GALNT15: variants seen among roughly 807,000 people sequenced by gnomAD.
GALNT15 encodes the protein polypeptide N-acetylgalactosaminyltransferase 15, also known as UDP-GalNAc transferase T15.
GALNT15 carries 67 observed loss-of-function variants against 66.8 expected under a neutral mutation model. That is an observed-to-expected ratio of 1.00 (90% CI 0.82 to 1.23). The LOEUF (loss-of-function observed/expected upper bound fraction) is 1.23, where lower values mean the gene tolerates loss of function less well. Among genes scored for constraint, GALNT15 ranks in the 50% most tolerant of loss-of-function variants. The pLI, the probability that GALNT15 is intolerant of heterozygous loss-of-function variation, is 0.00. For missense variants in GALNT15, 827 were observed against 804.3 expected, an observed-to-expected ratio of 1.03 and a Z score of -0.34; for synonymous variants, 313 against 311.5, an observed-to-expected ratio of 1.00 and a Z score of -0.05.
Position 16,186,484 on chromosome 3 carries a change from A to T in GALNT15, c.540-9276A>T, listed in dbSNP as rs2063517483. On this transcript the variant is annotated intron_variant, in intron 1 of 9. Transcript: ENST00000339732. This position sits in a 1 kb window ranked among gnomAD's most constrained non-coding sequence, Gnocchi z 5.1. ...AACATGTTCACATGAAAACTTATAC[A>T]TGAATATTCATAGTGGCATTAGTCA... Among the ~76,000 whole-genome samples the T allele has an allele frequency of 6.6e-6, 1 of 152,254 alleles. No individual in the cohort carries two copies. Among genetic ancestry groups the T allele is most frequent in the Non-Finnish European group, 1.5e-5 (1 of 68,044 alleles).
At position 16,224,740 on chromosome 3, in the gene GALNT15, G is replaced by A. The variant is rs1469076761; in HGVS notation, c.1773+1982G>A. Among the ~76,000 whole-genome samples the A allele has an allele frequency of 6.6e-6, 1 of 150,978 alleles. No individual in the cohort carries two copies. ...CAACCTCTGCCTCCCGGGTTCAAGC[G>A]ATTCTCCTGCCTCAGCCTCTTTAGT... is the stretch of plus-strand genomic sequence containing the variant. On this transcript the variant is annotated intron_variant, in intron 9 of 9. Coordinates refer to ENST00000339732, the MANE Select transcript of GALNT15 (RefSeq NM_054110.5). This position sits in a 1 kb window ranked among gnomAD's most constrained non-coding sequence, Gnocchi z 5.2.
intron 3 of GALNT15, among the ~76,000 whole-genome samples, chr3:16,207,501 TAAAAAAAAAAA>T (rs36127239): frequency 0.046 from 1,840 of 39,802 alleles, 188 homozygotes; most frequent in Middle Eastern, 0.095. Flanking sequence ...CTCCAGGCTG[TAAAAAAAAAAA>T]AAAAAAAAAA....
intron 6 of GALNT15, among the ~76,000 whole-genome samples, chr3:16,216,360 G>A (rs1421874041): frequency 1.3e-5 from 2 of 152,092 alleles, no homozygotes; most frequent in Admixed American, 6.5e-5. Flanking sequence ...TTAGCTGGGC[G>A]TGGTGGTGTG....
chr3:16,240,352 C>A, the GALNT15 span, among the ~76,000 whole-genome samples: 2 of 152,198 alleles, frequency 1.3e-5, no homozygotes, highest in African/African-American at 4.8e-5. Context: ...GTTTTCTGAA[C>A]CACTGGCGTG....
intron 1 of GALNT15, among the ~76,000 whole-genome samples, chr3:16,194,706 T>C (rs1195244566): frequency 4.6e-5 from 7 of 152,144 alleles, no homozygotes; most frequent in African/African-American, 1.7e-4. Context: ...TGGAAAACAT[T>C]ATCCTCAGCA....
rs1325256978 is a variant in GALNT15, at chr3:16,204,227, A to G, written c.911+3404A>G. 6.6e-6 allele frequency among the ~76,000 whole-genome samples: 1 copy of G among 152,108 alleles called. No homozygotes were observed. Among genetic ancestry groups the G allele is most frequent in the Non-Finnish European group, 1.5e-5 (1 of 68,018 alleles). Reference sequence around the variant, plus strand: ...TTCCCACTAGCCATGTGGCAACTTTATTTGAATTGGTAGAAATCCCTTCCT... The same window carrying G: ...TTCCCACTAGCCATGTGGCAACTTTGTTTGAATTGGTAGAAATCCCTTCCT... On this transcript the variant is annotated intron_variant, in intron 3 of 9. Coordinates refer to ENST00000339732, the MANE Select transcript of GALNT15 (RefSeq NM_054110.5). The surrounding 1 kb of genome is among the most constrained non-coding windows in gnomAD (Gnocchi z 4.5).
In GALNT15 at chr3:16,212,697, G is replaced by A; in HGVS notation, c.1326G>A (p.Glu442=). 1 of 1,614,030 alleles carries A rather than the reference G, an allele frequency of 6.2e-7. No individual in the cohort carries two copies. The highest frequency in any genetic ancestry group is 8.5e-7 in the Non-Finnish European group (1 of 1,180,028). Residue 442 remains glutamate, a synonymous_variant, in exon 6 of 10, where the codon GAG becomes GAA. Transcript: ENST00000339732. ...TGAGGAACAGGGTTCGCATTGCTGA[G>A]ACCTGGCTGGGGTCATTCAAAGAAA... ...ATLRNRVRIA[E]TWLGSFKETF...
chr3:16,193,916 T>C lies in GALNT15; in HGVS notation c.540-1844T>C, dbSNP rs1475630199. ...CAAGTGTGAGCTATATACTGCTCCA[T>C]GTATCAGGTTGTTATAATTCACTCC... On this transcript the variant is annotated intron_variant, in intron 1 of 9. Transcript: ENST00000339732. This position sits in a 1 kb window ranked among gnomAD's most constrained non-coding sequence, Gnocchi z 4.7. Among the ~76,000 whole-genome samples, 3 of 152,216 alleles carry C rather than the reference T, an allele frequency of 2.0e-5. No homozygotes were observed. Among genetic ancestry groups the C allele is most frequent in the Non-Finnish European group, 4.4e-5 (3 of 68,048 alleles).
rs561755349 is a variant in GALNT15 at position 16,188,825 on chromosome 3, T to C, written c.540-6935T>C. ...AAGAGTGGATAGATTGCAAAGCAGA[T>C]GACAGGTCCTTAGCACCATTTCCCT... On this transcript the variant is annotated intron_variant, in intron 1 of 9. Transcript: ENST00000339732. This position sits in a 1 kb window ranked among gnomAD's most constrained non-coding sequence, Gnocchi z 4.6. 2.6e-5 allele frequency among the ~76,000 whole-genome samples: 4 copies of C among 152,240 alleles called. No homozygotes were observed. The highest frequency in any genetic ancestry group is 9.6e-5 in the African/African-American group (4 of 41,538).
chr3:16,236,690 G>T (rs9837613), downstream of GALNT15, among the ~76,000 whole-genome samples: 21,451 of 152,234 alleles, frequency 0.14, 2,104 homozygotes, highest in African/African-American at 0.28. Flanking sequence ...TATAGCATAT[G>T]TTCTCATTAT....
At position 16,188,236 on chromosome 3, in the gene GALNT15, G is replaced by A. The variant is rs11916637; in HGVS notation, c.540-7524G>A. ...AGGCAAAGTGTTGCCTGTGGGTGAA[G>A]GAAGAGGAATCTTCCCCAGTGGTGG... On this transcript the variant is annotated intron_variant, in intron 1 of 9. Coordinates refer to ENST00000339732, the MANE Select transcript of GALNT15 (RefSeq NM_054110.5). The surrounding 1 kb of genome is among the most constrained non-coding windows in gnomAD (Gnocchi z 4.6). 0.019 allele frequency among the ~76,000 whole-genome samples: 2,938 copies of A among 152,354 alleles called. 118 individuals carry two copies. The highest frequency in any genetic ancestry group is 0.066 in the African/African-American group (2,747 of 41,580).
In GALNT15 at chr3:16,200,705, A is replaced by T; in HGVS notation, c.793A>T (p.Arg265Trp). 3 of 1,610,782 alleles carry T rather than the reference A, an allele frequency of 1.9e-6. No homozygotes were observed. The highest frequency in any genetic ancestry group is 1.7e-4 in the Middle Eastern group (1 of 6,046). ...LRSNKRLGAI[R>W]ARMLGATRAT... ...GAGCAACAAGAGGCTGGGTGCCATC[A>T]GGGCCCGGATGCTGGGGGCCACCAG... The change falls in exon 3 of 10, where the codon AGG becomes TGG. Residue 265 changes from arginine (R) to tryptophan (W), a missense_variant. By Grantham distance (101) the Arg-to-Trp change is moderately radical. Transcript: ENST00000339732. This position sits in a 1 kb window ranked among gnomAD's most constrained non-coding sequence, Gnocchi z 4.4.
chr3:16,180,080 G>A lies in GALNT15; in HGVS notation c.539+4390G>A, dbSNP rs1344576736. 6.6e-6 allele frequency among the ~76,000 whole-genome samples: 1 copy of A among 152,206 alleles called. No individual in the cohort carries two copies. The highest frequency in any genetic ancestry group is 1.5e-5 in the Non-Finnish European group (1 of 68,036). ...GTAATCTACATCTACGGCTGAACTT[G>A]AGCGTGCATCCGAACAACTAGATGG... On this transcript the variant is annotated intron_variant, in intron 1 of 9. Coordinates refer to ENST00000339732, the MANE Select transcript of GALNT15 (RefSeq NM_054110.5). The surrounding 1 kb of genome is among the most constrained non-coding windows in gnomAD (Gnocchi z 5.0).
Position 16,200,604 on chromosome 3 carries a change from C to G in GALNT15, c.707-15C>G. 6.6e-7 allele frequency: 1 copy of G among 1,509,760 alleles called. No homozygotes were observed. The highest frequency in any genetic ancestry group is 8.9e-7 in the Non-Finnish European group (1 of 1,126,728). 93.5% of individuals were successfully genotyped at this position (1,509,760 alleles called of 1,614,324 possible). A position where few individuals can be genotyped will look rare whatever the true frequency, so the allele number is the denominator to read the frequency against. ...GCATTTGTCATTCCACTGACCACAACCCTGTTGATTCCAGGACAACTCAAG... is the reference window on the plus strand; with the variant it reads ...GCATTTGTCATTCCACTGACCACAAGCCTGTTGATTCCAGGACAACTCAAG... On this transcript the variant is annotated splice_polypyrimidine_tract_variant and intron_variant, in intron 2 of 9. Coordinates refer to ENST00000339732, the MANE Select transcript of GALNT15 (RefSeq NM_054110.5). The surrounding 1 kb of genome is among the most constrained non-coding windows in gnomAD (Gnocchi z 4.4).
the GALNT15 span, among the ~76,000 whole-genome samples, chr3:16,245,385 T>C: frequency 1.3e-5 from 2 of 152,216 alleles, no homozygotes; most frequent in African/African-American, 2.4e-5. Context: ...ACAGGCTTTC[T>C]AGACTAACAT....
chr3:16,200,903 C>T lies in GALNT15; in HGVS notation c.911+80C>T. 9.3e-7 allele frequency: 1 copy of T among 1,072,518 alleles called. No individual in the cohort carries two copies. The highest frequency in any genetic ancestry group is 1.6e-5 in the African/African-American group (1 of 62,204). 66.4% of individuals were successfully genotyped at this position (1,072,518 alleles called of 1,614,324 possible). On this transcript the variant is annotated intron_variant, in intron 3 of 9. Coordinates refer to ENST00000339732, the MANE Select transcript of GALNT15 (RefSeq NM_054110.5). The surrounding 1 kb of genome is among the most constrained non-coding windows in gnomAD (Gnocchi z 4.4). ...ACAGCATCAGCCACTCACAGAGCAA[C>T]CCACCTATTAATTCCTGAATCTCCA...
At chr3:16,220,195 CTGTAAGCACAGACA>C in intron 8 of GALNT15, 181 bp downstream of exon 8, 1 of 608,328 alleles carries the variant, frequency 1.6e-6, no homozygotes, top group Non-Finnish European at 3.0e-6. Flanking sequence ...TCACCTCCAT[CTGTAAGCACAGACA>C]TGTGCCATTG....
chr3:16,226,525 C>T (rs914824818), intron 9 of GALNT15, among the ~76,000 whole-genome samples: 4 of 152,108 alleles, frequency 2.6e-5, no homozygotes, highest in South Asian at 2.1e-4. Flanking sequence ...CCTTACATGG[C>T]GGAGCAAGGG....
At position 16,204,052 on chromosome 3, in the gene GALNT15, T is replaced by TA. The variant is rs1268563817; in HGVS notation, c.911+3241dup. 3.2e-3 allele frequency among the ~76,000 whole-genome samples: 454 copies of TA among 140,768 alleles called. 1 individual carries two copies. Among genetic ancestry groups the TA allele is most frequent in the African/African-American group, 7.7e-3 (297 of 38,554 alleles). The allele number at this position is 140,768 out of a possible 152,430, so 92.3% of individuals were successfully genotyped here. On this transcript the variant is annotated intron_variant, in intron 3 of 9. Transcript: ENST00000339732. This position sits in a 1 kb window ranked among gnomAD's most constrained non-coding sequence, Gnocchi z 4.5. ...AGAAAAGGGTCTTTAAGAGCTCTTATAAAAAAAAAAAAGTGGGGTGGGAGT... is the reference window on the plus strand; with the variant it reads ...AGAAAAGGGTCTTTAAGAGCTCTTATAAAAAAAAAAAAAGTGGGGTGGGAGT...
Sources: gnomAD v4.1 joint callset for allele counts (sites outside exome capture counted in the v4.1 genomes callset) on GRCh38, gnomAD v4.1.1 for gene constraint, Gnocchi (gnomAD v3.1) non-coding constraint, MANE v1.5 for transcripts, NCBI Gene and HGNC (gene_info 2026-07-23, HGNC 2026-07-21) for gene names.